TSPAN4: variants seen among roughly 807,000 people sequenced by gnomAD.
TSPAN4 encodes tetraspanin 4, also known as tetraspanin-4.
TSPAN4 carries 38 observed loss-of-function variants against 31.5 expected under a neutral mutation model. The ratio of observed to expected loss-of-function variants is 1.21; its 90% CI spans 0.93 to 1.58. The LOEUF (loss-of-function observed/expected upper bound fraction) is 1.58, where lower values mean the gene tolerates loss of function less well. Among genes scored for constraint, TSPAN4 ranks in the 40% most tolerant of loss-of-function variants. The pLI is 0.00. For synonymous variants in TSPAN4, 186 were observed against 144.6 expected, an observed-to-expected ratio of 1.29 and a Z score of -2.06; for missense variants, 330 against 317.3, an observed-to-expected ratio of 1.04 and a Z score of -0.30.
intron 2 of TSPAN4, chr11:849,834 G>T (rs1230217826): frequency 4.8e-5 from 7 of 147,190 alleles, no homozygotes; most frequent in Non-Finnish European, 9.1e-5. Context: ...GGGGCGCGGG[G>T]GCCGCAGCGC....
At chr11:844,756 A>G (rs1040997218) in intron 1 of TSPAN4, among the ~76,000 whole-genome samples, 9 of 150,294 alleles carry the variant, frequency 6.0e-5, no homozygotes, top group Non-Finnish European at 1.3e-4. Flanking sequence ...CTGGTTTTAT[A>G]GAAGGGGGCG....
At chr11:853,719 TG>T (rs1271865877) in intron 3 of TSPAN4, among the ~76,000 whole-genome samples, 1 of 152,126 alleles carries the variant, frequency 6.6e-6, no homozygotes, top group African/African-American at 2.4e-5. Flanking sequence ...CATGGACATC[TG>T]GGGACATGCT....
intron 3 of TSPAN4, among the ~76,000 whole-genome samples, chr11:861,076 G>T (rs972884493): frequency 6.6e-6 from 1 of 152,202 alleles, no homozygotes; most frequent in Admixed American, 6.5e-5. Flanking sequence ...GTGGGGTCCT[G>T]GCGGACCCCT....
In TSPAN4 at chr11:850,901, G is replaced by T. The variant is rs549310193; in HGVS notation, c.63+534G>T. On this transcript the variant is annotated intron_variant, in intron 3 of 8. Transcript: ENST00000397397. The stretch of plus-strand genomic sequence containing the variant: ...CAAGGTCCCCCAGTCGCCGGGAGGC[G>T]CTGCGGAAGGGAATCCTGGACACTG... 2.0e-5 allele frequency among the ~76,000 whole-genome samples: 3 copies of T among 152,388 alleles called. No homozygotes were observed. The South Asian group carries it at 6.2e-4, about 32-fold the overall frequency.
chr11:849,542 A>G (rs1363472835), intron 2 of TSPAN4, among the ~76,000 whole-genome samples: 5 of 151,926 alleles, frequency 3.3e-5, no homozygotes, highest in Non-Finnish European at 7.4e-5. Flanking sequence ...GCGGGCTAAG[A>G]GCTGCCCAGG....
intron 4 of TSPAN4, chr11:864,227 G>A (rs1034273210): frequency 1.6e-6 from 1 of 632,214 alleles, no homozygotes; most frequent in Non-Finnish European, 2.8e-6. Context: ...CTCAGGGGCT[G>A]AGCAGGACAC....
intron 3 of TSPAN4, among the ~76,000 whole-genome samples, chr11:850,993 C>T (rs1188513018): frequency 1.3e-5 from 2 of 152,268 alleles, no homozygotes; most frequent in Non-Finnish European, 2.9e-5. Context: ...GCAGCAGAGG[C>T]TTCCCTAACT....
chr11:849,295 C>A (rs1224329466), intron 2 of TSPAN4, among the ~76,000 whole-genome samples: 1 of 152,142 alleles, frequency 6.6e-6, no homozygotes, highest in East Asian at 1.9e-4. Context: ...AAAGACTCAA[C>A]GACACCTGCT....
chr11:858,632 ACG>A (rs200142225), intron 3 of TSPAN4: 1 of 134,584 alleles, frequency 7.4e-6, no homozygotes, highest in Non-Finnish European at 1.5e-5. Context: ...TCCGGCCCAC[ACG>A]CACCCCGCTC....
intron 3 of TSPAN4, among the ~76,000 whole-genome samples, chr11:851,338 G>C (rs1467416799): frequency 6.6e-6 from 1 of 152,226 alleles, no homozygotes; most frequent in East Asian, 1.9e-4. Flanking sequence ...TCCTGAACCA[G>C]CTCCTGCAGC....
At chr11:846,056 G>T (rs1236992776) in intron 1 of TSPAN4, among the ~76,000 whole-genome samples, 1 of 152,204 alleles carries the variant, frequency 6.6e-6, no homozygotes, top group East Asian at 1.9e-4. Context: ...TTGTGTTGGC[G>T]GGCCTCCCTA....
At chr11:863,021 G>T (rs1366975886) in intron 4 of TSPAN4, 7 of 429,346 alleles carry the variant, frequency 1.6e-5, no homozygotes, top group Non-Finnish European at 2.9e-5. Context: ...GCCCTGGTGA[G>T]TGCAGGCACA....
rs1391383347 is a variant in TSPAN4, at chr11:850,380, GCCGGGGTGGGGGCCCGGGAAAGAC to G, written c.63+21_63+44del. 5.0e-6 allele frequency: 8 copies of G among 1,597,092 alleles called. No homozygotes were observed. Among genetic ancestry groups the G allele is most frequent in the Non-Finnish European group, 6.8e-6 (8 of 1,177,142 alleles). ...CCTGCTCTTCTGGGTGAGTCCGGGGGCCGGGGTGGGGGCCCGGGAAAGACCCGGGGTCCCTCCCGCGGCGGGTCG... is the reference window on the plus strand; with the variant it reads ...CCTGCTCTTCTGGGTGAGTCCGGGGGCCGGGGTCCCTCCCGCGGCGGGTCG... On this transcript the variant is annotated intron_variant, in intron 3 of 8. Coordinates refer to ENST00000397397, the MANE Select transcript of TSPAN4 (RefSeq NM_003271.5).
At chr11:862,873 G>A in intron 4 of TSPAN4, 132 bp downstream of exon 4, 2 of 1,023,210 alleles carry the variant, frequency 2.0e-6, no homozygotes, top group East Asian at 2.7e-5. Context: ...CTCCAGGCTG[G>A]CAGTGTGGCC....
Position 862,694 on chromosome 11 carries a change from G to C in TSPAN4, c.208G>C (p.Val70Leu), listed in dbSNP as rs370659254. The C allele has an allele frequency of 1.3e-5, 21 of 1,612,998 alleles. No homozygotes were observed. The highest frequency in any genetic ancestry group is 1.7e-5 in the Non-Finnish European group (20 of 1,179,788). ...CGCCTTTGTCATGGCCATCGGCTTCGTGGGCTGCCTGGGTGCCATCAAGGA... is the reference window on the plus strand; with the variant it reads ...CGCCTTTGTCATGGCCATCGGCTTCCTGGGCTGCCTGGGTGCCATCAAGGA... ...TGAFVMAIGF[V>L]GCLGAIKENK... is the part of the protein sequence containing the mutation. Residue 70 changes from valine (V) to leucine (L), a missense_variant, in exon 4 of 9, where the codon GTG (valine) becomes CTG (leucine). Transcript: ENST00000397397.
At chr11:856,798 A>C (rs1393580949) in intron 3 of TSPAN4, 1 of 152,292 alleles carries the variant, frequency 6.6e-6, no homozygotes, top group Non-Finnish European at 1.5e-5. Context: ...CTCCAAGCTA[A>C]TGGGGCCCAT....
intron 3 of TSPAN4, among the ~76,000 whole-genome samples, chr11:855,363 C>T (rs1198560158): frequency 1.3e-5 from 2 of 152,218 alleles, no homozygotes; most frequent in South Asian, 2.1e-4. Context: ...GGCCTGATGA[C>T]GGCAGGCCAC....
rs147856856 is a variant in TSPAN4 at position 865,807 on chromosome 11, C to T, written c.546C>T (p.Pro182=). 108 of 1,612,156 alleles carry T rather than the reference C, an allele frequency of 6.7e-5. No individual in the cohort carries two copies. Among genetic ancestry groups the T allele is most frequent in the Admixed American group, 6.7e-4 (40 of 59,902 alleles). The change falls in exon 7 of 9, where the codon CCC becomes CCT. Residue 182 remains proline, a synonymous_variant. Transcript: ENST00000397397. ...EFSESCGLHA[P]GTWWKAPCYE... Reference sequence around the variant, plus strand: ...GTGAGAGCTGTGGGCTGCACGCCCCCGGCACCTGGTGGAAGGCGGTGAGTG... The same window carrying T: ...GTGAGAGCTGTGGGCTGCACGCCCCTGGCACCTGGTGGAAGGCGGTGAGTG...
chr11:857,345 G>A (rs111904243), intron 3 of TSPAN4: 14,575 of 151,512 alleles, frequency 0.096, 790 homozygotes, highest in Middle Eastern at 0.18. Flanking sequence ...TTTTCCTGAT[G>A]ACAGGAGAGG....
Sources: allele counts gnomAD v4.1 joint callset (sites outside exome capture counted in the v4.1 genomes callset), GRCh38; gene constraint gnomAD v4.1.1; transcripts MANE v1.5; gene names NCBI Gene and HGNC (gene_info 2026-07-23, HGNC 2026-07-21).